The following NIBAN1 variants were observed in gnomAD, a reference collection of about 807,000 sequenced individuals.
NIBAN1 encodes niban apoptosis regulator 1.
Under a neutral mutation model 75.1 loss-of-function variants are expected in NIBAN1, and 81 were observed. The observed-to-expected ratio is 1.08, with a 90% CI of 0.90 to 1.30. The LOEUF is 1.30. NIBAN1 is among the 50% of genes most tolerant of loss of function. The pLI, the probability that NIBAN1 is intolerant of heterozygous loss-of-function variation, is 0.00. For synonymous variants in NIBAN1, 436 were observed against 424.8 expected (o/e 1.03, Z -0.32); for missense variants, 1,133 against 1,128.1 (o/e 1.00, Z -0.06).
At chr1:184,813,091 C>T (rs1654430082) in intron 9 of NIBAN1, among the ~76,000 whole-genome samples, 1 of 152,310 alleles carries the variant, frequency 6.6e-6, no homozygotes, top group African/African-American at 2.4e-5. Context: ...GCACCAGAGA[C>T]CCCTTTCCTG....
intron 5 of NIBAN1, among the ~76,000 whole-genome samples, chr1:184,842,625 C>T (rs562612304): frequency 1.1e-4 from 16 of 152,152 alleles, no homozygotes; most frequent in African/African-American, 3.1e-4. Flanking sequence ...TGGTGGCGGG[C>T]GCCTGTAATC....
intron 3 of NIBAN1, among the ~76,000 whole-genome samples, chr1:184,891,632 G>GA (rs1656668491): frequency 6.6e-6 from 1 of 152,146 alleles, no homozygotes; most frequent in Non-Finnish European, 1.5e-5. Context: ...GCCCAGCAGT[G>GA]AGTAGGTGAC....
At chr1:184,924,624 T>C (rs1657639147) in intron 1 of NIBAN1, among the ~76,000 whole-genome samples, 1 of 152,144 alleles carries the variant, frequency 6.6e-6, no homozygotes. Flanking sequence ...TATTAGTTCT[T>C]TAAATGTTTG....
chr1:184,843,412 A>G (rs1184772153), intron 5 of NIBAN1, among the ~76,000 whole-genome samples: 1 of 152,174 alleles, frequency 6.6e-6, no homozygotes, highest in African/African-American at 2.4e-5. Context: ...AGTCTTTTCT[A>G]AAAAGTATGG....
At chr1:184,926,618 TG>T (rs939731912) in intron 1 of NIBAN1, among the ~76,000 whole-genome samples, 3 of 152,216 alleles carry the variant, frequency 2.0e-5, no homozygotes, top group African/African-American at 7.2e-5. Flanking sequence ...GTTTAATTAT[TG>T]GATGTCTTGA....
intron 1 of NIBAN1, among the ~76,000 whole-genome samples, chr1:184,900,559 G>T (rs189957365): frequency 4.5e-4 from 69 of 152,310 alleles, no homozygotes; most frequent in African/African-American, 1.5e-3. Context: ...TGAACCATGT[G>T]GGGGAAGCTT....
chr1:184,876,505 C>T (rs1249306573), intron 5 of NIBAN1, among the ~76,000 whole-genome samples: 1 of 151,852 alleles, frequency 6.6e-6, no homozygotes, highest in African/African-American at 2.4e-5. Flanking sequence ...CGAGACCAGC[C>T]CAGCCAACAT....
chr1:184,872,712 TA>T (rs34664253), intron 5 of NIBAN1, among the ~76,000 whole-genome samples: 27,664 of 139,470 alleles, frequency 0.2, 3,123 homozygotes, highest in South Asian at 0.3. Flanking sequence ...TGTATCAAAT[TA>T]AAAAAAAAAA....
chr1:184,827,096 G>T (rs967799739), intron 6 of NIBAN1, among the ~76,000 whole-genome samples: 1 of 152,110 alleles, frequency 6.6e-6, no homozygotes, highest in Middle Eastern at 3.4e-3. Flanking sequence ...TGTAAGATGC[G>T]CCTTTCACCT....
rs1317861220 is a variant in NIBAN1, at chr1:184,831,354, A to T, written c.717+493T>A. Among the ~76,000 whole-genome samples the T allele has an allele frequency of 4.6e-5, 7 of 152,334 alleles. 1 individual carries two copies. In the East Asian group the frequency reaches 1.2e-3, roughly 25 times the overall value. ...CAATAAAGACAGCTGCGTACCAAAT[A>T]CTTCCCCAACTGCACTTCACTTGTC... On this transcript the variant is annotated intron_variant, in intron 6 of 13. Transcript: ENST00000367511.
chr1:184,862,311 C>CA (rs1557891346), intron 5 of NIBAN1, among the ~76,000 whole-genome samples: 1 of 145,374 alleles, frequency 6.9e-6, no homozygotes, highest in Non-Finnish European at 1.5e-5. Flanking sequence ...GTTTTTCATA[C>CA]TTTTTTTTTT....
At chr1:184,867,064 G>A (rs897705761) in intron 5 of NIBAN1, among the ~76,000 whole-genome samples, 1 of 152,012 alleles carries the variant, frequency 6.6e-6, no homozygotes, top group Admixed American at 6.6e-5. Flanking sequence ...AATCTGAAGT[G>A]CAGTACCGAT....
chr1:184,884,754 C>T lies in NIBAN1; in HGVS notation c.480G>A (p.Lys160=), dbSNP rs1656473932. Residue 160 remains lysine (K), a synonymous_variant, in exon 5 of 14, where the codon AAG becomes AAA. Transcript: ENST00000367511. The stretch of plus-strand genomic sequence containing the variant: ...GCTGCCACAGGTACACTGGGAATTC[C>T]TTGGGCAGGACCACAAAGGGCTGAG... The part of the protein sequence containing the change: ...ENTQPFVVLP[K]EFPVYLWQPF... The T allele has an allele frequency of 6.2e-7, 1 of 1,614,194 alleles. No individual in the cohort carries two copies. Among genetic ancestry groups the T allele is most frequent in the African/African-American group, 1.3e-5 (1 of 75,060 alleles).
Position 184,899,257 on chromosome 1 carries a change from G to A in NIBAN1, c.108C>T (p.Tyr36=). The part of the protein sequence containing the change: ...KNFSPYYSRQ[Y]SVAFCNHVRT... Reference sequence around the variant, plus strand: ...GCACGTGATTGCAGAAAGCCACAGAGTACTGACGACTGTAGTAGGGACTGA... The same window carrying A: ...GCACGTGATTGCAGAAAGCCACAGAATACTGACGACTGTAGTAGGGACTGA... Residue 36 remains tyrosine, a synonymous_variant, in exon 2 of 14, where the codon TAC becomes TAT. Transcript: ENST00000367511. 2 of 1,613,932 alleles carry A rather than the reference G, an allele frequency of 1.2e-6. No homozygotes were observed. The highest frequency in any genetic ancestry group is 1.7e-6 in the Non-Finnish European group (2 of 1,179,852).
intron 9 of NIBAN1, among the ~76,000 whole-genome samples, chr1:184,814,376 A>G (rs924435512): frequency 5.9e-5 from 9 of 152,216 alleles, no homozygotes; most frequent in Non-Finnish European, 1.2e-4. Flanking sequence ...AACTAGCTTT[A>G]ACATTAAAAA....
At chr1:184,818,933 A>C (rs1323669536) in intron 8 of NIBAN1, 108 bp from the exon 9 acceptor site, 1 of 1,276,124 alleles carries the variant, frequency 7.8e-7, no homozygotes, top group Non-Finnish European at 1.1e-6. Flanking sequence ...TTTAACAGCC[A>C]AGGCAAGCTC....
intron 6 of NIBAN1, among the ~76,000 whole-genome samples, chr1:184,829,659 G>T (rs1654943579): frequency 1.3e-5 from 2 of 151,624 alleles, no homozygotes; most frequent in South Asian, 2.1e-4. Context: ...GTAGAGACAG[G>T]GTTTCACTGT....
At chr1:184,930,108 G>A (rs1439731061) in intron 1 of NIBAN1, among the ~76,000 whole-genome samples, 1 of 152,136 alleles carries the variant, frequency 6.6e-6, no homozygotes, top group Non-Finnish European at 1.5e-5. Flanking sequence ...CCTTCCATGT[G>A]TCTCTTACAG....
At position 184,847,058 on chromosome 1, in the gene NIBAN1, T is replaced by C. The variant is rs1301118169; in HGVS notation, c.602-15096A>G. On this transcript the variant is annotated intron_variant, in intron 5 of 13. Coordinates refer to ENST00000367511, the MANE Select transcript of NIBAN1 (RefSeq NM_052966.4). ...AAGTTGGAAAACATTCTGCAGGATA[T>C]TATCCAGGAGAACTTCCCCAATCTA... Among the ~76,000 whole-genome samples, 6 of 79,784 alleles carry C rather than the reference T, an allele frequency of 7.5e-5. 1 individual carries two copies. The highest frequency in any genetic ancestry group is 3.3e-4 in the African/African-American group (5 of 15,014). 52.3% of individuals were successfully genotyped at this position (79,784 alleles called of 152,430 possible).
Sources: allele counts gnomAD v4.1 joint callset (sites outside exome capture counted in the v4.1 genomes callset), GRCh38; gene constraint gnomAD v4.1.1; transcripts MANE v1.5; gene names NCBI Gene and HGNC (gene_info 2026-07-23, HGNC 2026-07-21).